The following LUC7L2 variants were observed in gnomAD, a reference collection of about 807,000 sequenced individuals.
LUC7L2 encodes LUC7 like 2, pre-mRNA splicing factor, also known as putative RNA-binding protein Luc7-like 2.
In LUC7L2, 25 loss-of-function variants were observed where a neutral mutation model predicts 52.8. The observed-to-expected ratio is 0.47, with a 90% CI of 0.34 to 0.66. The LOEUF (loss-of-function observed/expected upper bound fraction) is 0.66, where lower values mean the gene tolerates loss of function less well. LUC7L2 is among the 30% of genes least tolerant of loss of function. The pLI, the probability that LUC7L2 is intolerant of heterozygous loss-of-function variation, is 0.01. For missense variants in LUC7L2, 328 were observed against 497.8 expected (o/e 0.66, Z 3.25); for synonymous variants, 144 against 160.9 (o/e 0.89, Z 0.80).
intron 1 of LUC7L2, chr7:139,371,504 C>T (rs1433357109): frequency 1.5e-6 from 2 of 1,364,674 alleles, no homozygotes; most frequent in Middle Eastern, 2.0e-4. Context: ...GCACCTAAAT[C>T]TATGAAAGTT....
intron 2 of LUC7L2, among the ~76,000 whole-genome samples, 200 bp from the exon 3 acceptor site, chr7:139,398,399 T>G (rs1419912440): frequency 1.3e-5 from 2 of 152,208 alleles, no homozygotes; most frequent in Non-Finnish European, 2.9e-5. Flanking sequence ...TGTTCCCATC[T>G]GTTGGTAGAC....
At chr7:139,356,263 C>A (rs911064430), upstream of LUC7L2, among the ~76,000 whole-genome samples, 1 of 138,248 alleles carries the variant, frequency 7.2e-6, no homozygotes, top group Non-Finnish European at 1.5e-5. Flanking sequence ...TGAGCCAAGG[C>A]GAGATCTCGC....
chr7:139,414,712 G>A (rs1795512181), intron 8 of LUC7L2, among the ~76,000 whole-genome samples: 1 of 152,104 alleles, frequency 6.6e-6, no homozygotes, highest in African/African-American at 2.4e-5. Flanking sequence ...TCCCACCTCA[G>A]GGACTTTGCA....
At chr7:139,341,332 T>C in intron 1 of LUC7L2, 3 of 1,546,588 alleles carry the variant, frequency 1.9e-6, no homozygotes, top group Admixed American at 1.8e-5. Context: ...GGAGGAGGGG[T>C]TTTCAGGGTC....
Position 139,409,609 on chromosome 7 carries a change from A to C in LUC7L2, c.734A>C (p.Lys245Thr). The stretch of plus-strand genomic sequence containing the variant: ...GAGAAAAGAAACCAGGAACGGCTGA[A>C]ACGAAGAGAAGAGAGAGAGAGAGAA... ...KQEKRNQERL[K>T]RREEREREER... The change falls in exon 7 of 10, where the codon AAA becomes ACA. Residue 245 changes from lysine (K) to threonine (T), a missense_variant. This residue lies in a region of LUC7L2 where 195 missense variants were observed against 223.3 expected (regional missense o/e 0.87). Transcript: ENST00000354926. 5 of 1,611,788 alleles carry C rather than the reference A, an allele frequency of 3.1e-6. No individual in the cohort carries two copies. The highest frequency in any genetic ancestry group is 3.4e-6 in the Non-Finnish European group (4 of 1,178,708).
intron 1 of LUC7L2, among the ~76,000 whole-genome samples, chr7:139,373,828 C>T (rs1332999522): frequency 1.2e-4 from 19 of 152,192 alleles, no homozygotes. Context: ...TAACAAAGCA[C>T]TGAAATGATT....
In LUC7L2 at chr7:139,407,368, T is replaced by C. The variant is rs776902513; in HGVS notation, c.687+18T>C. ...AATTAAAGGTACATTGGTAAAATATTCCTCACTTTATCCTCTTGTTCTTTT... is the reference window on the plus strand; with the variant it reads ...AATTAAAGGTACATTGGTAAAATATCCCTCACTTTATCCTCTTGTTCTTTT... On this transcript the variant is annotated intron_variant, in intron 6 of 9. Transcript: ENST00000354926. 3.1e-6 allele frequency: 5 copies of C among 1,597,838 alleles called. No individual in the cohort carries two copies. The Admixed American group carries it at 8.7e-5, about 28-fold the overall frequency.
intron 1 of LUC7L2, chr7:139,371,293 A>G: frequency 1.5e-6 from 1 of 671,498 alleles, no homozygotes; most frequent in Non-Finnish European, 2.7e-6. Flanking sequence ...TGTACAGTGA[A>G]ATAGGATTCT....
intron 9 of LUC7L2, among the ~76,000 whole-genome samples, chr7:139,418,229 A>ATAATCT (rs11267247): frequency 0.38 from 57,966 of 151,674 alleles, 15,433 homozygotes; most frequent in African/African-American, 0.76. Flanking sequence ...AGGCAGACTA[A>ATAATCT]TAAGGAGGTT....
intron 1 of LUC7L2, among the ~76,000 whole-genome samples, chr7:139,353,236 T>C (rs1799506862): frequency 1.3e-5 from 2 of 152,102 alleles, no homozygotes; most frequent in African/African-American, 4.8e-5. Flanking sequence ...TGATTGTATG[T>C]ACCGATGCCC....
At chr7:139,407,136 A>G (rs751535069) in intron 5 of LUC7L2, 38 bp from the exon 6 acceptor site, 9 of 1,553,492 alleles carry the variant, frequency 5.8e-6, no homozygotes, top group Non-Finnish European at 7.8e-6. Flanking sequence ...ACTTTTAGTG[A>G]GATTTATATG....
upstream of LUC7L2, among the ~76,000 whole-genome samples, chr7:139,357,779 C>T (rs1429257997): frequency 3.3e-5 from 5 of 151,940 alleles, no homozygotes; most frequent in East Asian, 9.7e-4. Flanking sequence ...GCAACCTCCG[C>T]CTCTTGGGTT....
chr7:139,413,933 G>A (rs1256849082), intron 8 of LUC7L2, among the ~76,000 whole-genome samples: 1 of 152,196 alleles, frequency 6.6e-6, no homozygotes, highest in East Asian at 1.9e-4. Flanking sequence ...AGCATGATAA[G>A]TAGAAACATT....
intron 8 of LUC7L2, among the ~76,000 whole-genome samples, chr7:139,414,921 C>T (rs994252965): frequency 6.6e-6 from 1 of 152,128 alleles, no homozygotes; most frequent in South Asian, 2.1e-4. Flanking sequence ...GAGTCTTGCT[C>T]TGTTGCCCAG....
At chr7:139,408,459 A>G (rs925449850) in intron 6 of LUC7L2, among the ~76,000 whole-genome samples, 37 of 152,312 alleles carry the variant, frequency 2.4e-4, no homozygotes, top group Middle Eastern at 3.4e-3. Context: ...GTGATTTATA[A>G]TGGTTGATGT....
chr7:139,358,552 C>CT (rs1799693517), upstream of LUC7L2, among the ~76,000 whole-genome samples: 1 of 152,172 alleles, frequency 6.6e-6, no homozygotes, highest in African/African-American at 2.4e-5. Flanking sequence ...ACACAAATCT[C>CT]TATTATGTCC....
chr7:139,347,054 T>G (rs1281480151), intron 1 of LUC7L2, among the ~76,000 whole-genome samples: 2 of 152,206 alleles, frequency 1.3e-5, no homozygotes, highest in Admixed American at 1.3e-4. Context: ...ATATCCTTAT[T>G]TCCTCAAAAA....
At chr7:139,396,338 G>T (rs748083923) in intron 2 of LUC7L2, among the ~76,000 whole-genome samples, 17 of 152,046 alleles carry the variant, frequency 1.1e-4, no homozygotes, top group Non-Finnish European at 2.2e-4. Flanking sequence ...TGTCGGGGAG[G>T]GGTGCTTAGG....
At chr7:139,363,260 G>A in intron 1 of LUC7L2, 1 of 985,038 alleles carries the variant, frequency 1.0e-6, no homozygotes, top group Non-Finnish European at 1.2e-6. Flanking sequence ...AGGGTACCGC[G>A]TGAGTTGAAA....
Sources: gnomAD v4.1 joint callset for allele counts (sites outside exome capture counted in the v4.1 genomes callset) on GRCh38, gnomAD v4.1.1 for gene constraint, gnomAD v4.1.1 regional missense constraint, MANE v1.5 for transcripts, NCBI Gene and HGNC (gene_info 2026-07-23, HGNC 2026-07-21) for gene names.